Variants in LRCH2 observed in about 807,000 individuals in gnomAD.
LRCH2 encodes the protein leucine rich repeats and calponin homology domain containing 2, also known as leucine-rich repeat and calponin homology domain-containing protein 2.
In LRCH2, 38 loss-of-function variants were observed where a neutral mutation model predicts 68.9. The ratio of observed to expected loss-of-function variants is 0.55; its 90% CI spans 0.43 to 0.72. The LOEUF (loss-of-function observed/expected upper bound fraction) is 0.72. Ranked by LOEUF, LRCH2 falls within the 30% of genes least tolerant of loss-of-function variation. LRCH2 has a pLI of 0.00. For missense variants in LRCH2, 528 were observed against 572.9 expected (o/e 0.92, Z 0.80); for synonymous variants, 191 against 208.1 (o/e 0.92, Z 0.71).
At chrX:115,167,220 C>G in intron 6 of LRCH2, among the ~76,000 whole-genome samples, 1 of 35,207 alleles carries the variant, frequency 2.8e-5, no homozygotes, top group Admixed American at 4.0e-4. Flanking sequence ...AAAAAAAAAA[C>G]AATAACAACA....
At chrX:115,130,346 CCTA>C (rs1671219979) in intron 14 of LRCH2, 147 bp from the exon 15 acceptor site, 1 of 333,640 alleles carries the variant, frequency 3.0e-6, no homozygotes, top group African/African-American at 2.7e-5. Context: ...TGTAAATAGT[CCTA>C]CTACTAATAA....
At chrX:115,197,818 G>GTCTCTCTCTCTCTCTCTCTC (rs1196662958) in intron 1 of LRCH2, among the ~76,000 whole-genome samples, 1 of 13,413 alleles carries the variant, frequency 7.5e-5, no homozygotes, top group African/African-American at 2.3e-4. Flanking sequence ...AACAGAACAA[G>GTCTCTCTCTCTCTCTCTCTC]TCTCTCTCTC....
At chrX:115,129,504 G>A (rs782154831) in intron 15 of LRCH2, among the ~76,000 whole-genome samples, 14 of 110,997 alleles carry the variant, frequency 1.3e-4, no homozygotes, top group African/African-American at 3.9e-4. Flanking sequence ...GAGAGAAATC[G>A]GCATCTGAGC....
intron 1 of LRCH2, among the ~76,000 whole-genome samples, chrX:115,222,800 C>CA (rs1371428490): frequency 8.9e-6 from 1 of 111,816 alleles, no homozygotes; most frequent in African/African-American, 3.2e-5. Context: ...CACTCCTTTT[C>CA]AAAATCCCAA....
chrX:115,221,191 AAAAAAAAAAAAAAAAAAAAATATATAT>A (rs1360483624), intron 1 of LRCH2, among the ~76,000 whole-genome samples: 4 of 67,819 alleles, frequency 5.9e-5, no homozygotes, highest in African/African-American at 1.4e-4. Flanking sequence ...AAAAAAAAAA[AAAAAAAAAAAAAAAAAAAAATATATAT>A]ATATATATAT....
At chrX:115,219,447 T>G (rs2073064162) in intron 1 of LRCH2, among the ~76,000 whole-genome samples, 1 of 110,911 alleles carries the variant, frequency 9.0e-6, no homozygotes, top group Admixed American at 9.6e-5. Context: ...TTTGTTTACA[T>G]TAAGTGGTCA....
At chrX:115,159,415 C>A (rs966685833) in intron 11 of LRCH2, among the ~76,000 whole-genome samples, 18 of 109,171 alleles carry the variant, frequency 1.6e-4, no homozygotes, top group African/African-American at 5.7e-4. Flanking sequence ...AATAATAATC[C>A]AATATTTTGA....
At chrX:115,119,303 T>G (rs1395692662) in intron 20 of LRCH2, among the ~76,000 whole-genome samples, 2 of 107,915 alleles carry the variant, frequency 1.9e-5, no homozygotes, top group Non-Finnish European at 3.8e-5. Context: ...CTTAACCTGA[T>G]AAGCAACTTC....
In LRCH2 at chrX:115,233,908, G is replaced by C; in HGVS notation, c.134C>G (p.Thr45Ser). 1 of 1,163,700 alleles carries C rather than the reference G, an allele frequency of 8.6e-7. No homozygotes were observed. The highest frequency in any genetic ancestry group is 1.1e-6 in the Non-Finnish European group (1 of 871,754). Residue 45 changes from threonine (T) to serine (S), a missense_variant, in exon 1 of 21, where the codon ACC (threonine) becomes AGC (serine). By Grantham distance (58) the Thr-to-Ser change is moderately conservative. Coordinates refer to ENST00000317135, the MANE Select transcript of LRCH2 (RefSeq NM_020871.4). ...AGGGGGGGGG[T>S]LVVPIPVPTL... ...CGGTACCGGGATGGGGACCACCAGG[G>C]TCCCGCCGCCGCCGCCGCCTCCCCC...
At chrX:115,133,570 C>T (rs2072264481) in intron 14 of LRCH2, among the ~76,000 whole-genome samples, 1 of 112,103 alleles carries the variant, frequency 8.9e-6, no homozygotes, top group African/African-American at 3.2e-5. Context: ...ATAGCACGTA[C>T]TCACTTCATG....
chrX:115,176,496 C>A (rs921156723), intron 5 of LRCH2, among the ~76,000 whole-genome samples: 3 of 73,534 alleles, frequency 4.1e-5, no homozygotes. Context: ...AAGTCCTTTG[C>A]CTATTTTTCA....
intron 1 of LRCH2, among the ~76,000 whole-genome samples, chrX:115,209,862 C>T (rs914435526): frequency 4.5e-5 from 5 of 111,827 alleles, no homozygotes; most frequent in African/African-American, 1.6e-4. Flanking sequence ...AAAGGTGACA[C>T]TCTTGTTTTG....
Position 115,163,801 on chromosome X carries a change from C to T in LRCH2, c.1356-18G>A, listed in dbSNP as rs2072538050. On this transcript the variant is annotated intron_variant, in intron 10 of 20. Coordinates refer to ENST00000317135, the MANE Select transcript of LRCH2 (RefSeq NM_020871.4). ...TCTCAAGTCTGAAAGGTGACACAAACATGGTTATCCAAAAAGTAAGGCAGA... is the reference window on the plus strand; with the variant it reads ...TCTCAAGTCTGAAAGGTGACACAAATATGGTTATCCAAAAAGTAAGGCAGA... The T allele has an allele frequency of 3.6e-6, 4 of 1,105,351 alleles. No individual in the cohort carries two copies. Among genetic ancestry groups the T allele is most frequent in the Non-Finnish European group, 4.9e-6 (4 of 814,493 alleles). 91.1% of individuals were successfully genotyped at this position (1,105,351 alleles called of 1,213,427 possible). A position where few individuals can be genotyped will look rare whatever the true frequency, so the allele number is the denominator to read the frequency against.
At chrX:115,161,848 T>C (rs2072521129) in intron 11 of LRCH2, among the ~76,000 whole-genome samples, 1 of 110,406 alleles carries the variant, frequency 9.1e-6, no homozygotes. Context: ...TACAGAAATA[T>C]CGTATATGAC....
At chrX:115,192,349 A>G in intron 1 of LRCH2, 1 of 1,080,216 alleles carries the variant, frequency 9.3e-7, no homozygotes, top group Non-Finnish European at 1.2e-6. Flanking sequence ...TTCCATCAAG[A>G]GTTACGGCCT....
At chrX:115,149,617 A>G (rs2072415918) in intron 14 of LRCH2, among the ~76,000 whole-genome samples, 1 of 111,733 alleles carries the variant, frequency 8.9e-6, no homozygotes, top group African/African-American at 3.2e-5. Flanking sequence ...TTGGTAAATC[A>G]TAATTTATAT....
At chrX:115,178,262 T>A (rs1603062300) in intron 5 of LRCH2, among the ~76,000 whole-genome samples, 1 of 111,821 alleles carries the variant, frequency 8.9e-6, no homozygotes, top group Non-Finnish European at 1.9e-5. Context: ...GTGTAAATCT[T>A]AGAGCCGTGG....
chrX:115,134,404 A>G (rs1208332752), intron 14 of LRCH2, among the ~76,000 whole-genome samples: 1 of 112,614 alleles, frequency 8.9e-6, no homozygotes, highest in Non-Finnish European at 1.9e-5. Context: ...ATAGCCTTCT[A>G]TTGGACTGCT....
chrX:115,147,412 T>C (rs1489080064), intron 14 of LRCH2, among the ~76,000 whole-genome samples: 1 of 111,547 alleles, frequency 9.0e-6, no homozygotes, highest in African/African-American at 3.3e-5. Flanking sequence ...GTCCTAATAC[T>C]GACATCTTCT....
Sources: gnomAD v4.1 joint callset for allele counts (sites outside exome capture counted in the v4.1 genomes callset) on GRCh38, gnomAD v4.1.1 for gene constraint, MANE v1.5 for transcripts, NCBI Gene and HGNC (gene_info 2026-07-23, HGNC 2026-07-21) for gene names.